OLA1: variants seen among roughly 807,000 people sequenced by gnomAD.
OLA1 encodes the protein Obg like ATPase 1, also known as obg-like ATPase 1.
In OLA1, 14 loss-of-function variants were observed where a neutral mutation model predicts 48.4. That is an observed-to-expected ratio of 0.29 (90% CI 0.19 to 0.45). The LOEUF (loss-of-function observed/expected upper bound fraction) is 0.45. Among genes scored for constraint, OLA1 ranks in the 20% least tolerant of loss-of-function variants. The pLI, the probability that OLA1 is intolerant of heterozygous loss-of-function variation, is 1.00. For missense variants in OLA1, 325 were observed against 467.1 expected (o/e 0.70, Z 2.80); for synonymous variants, 127 against 150.4 (o/e 0.84, Z 1.14).
Position 174,151,447 on chromosome 2 carries a change from T to C in OLA1, c.374-9447A>G, listed in dbSNP as rs184821678. 1.9e-3 allele frequency among the ~76,000 whole-genome samples: 292 copies of C among 152,328 alleles called. 1 individual carries two copies. Among genetic ancestry groups the C allele is most frequent in the Non-Finnish European group, 9.4e-4 (64 of 68,032 alleles). ...TTATTTTACATTGCTTTCCAGTTTG[T>C]CCTACGCGTTAACAGTAAATGTTTT... On this transcript the variant is annotated intron_variant, in intron 4 of 10. Transcript: ENST00000284719.
chr2:174,141,131 C>T (rs1686437155), intron 5 of OLA1, among the ~76,000 whole-genome samples: 2 of 152,122 alleles, frequency 1.3e-5, no homozygotes, highest in African/African-American at 4.8e-5. Context: ...AGGGTTTCGC[C>T]ATGTTGGCTA....
intron 7 of OLA1, among the ~76,000 whole-genome samples, chr2:174,120,044 A>G (rs1248440963): frequency 6.6e-6 from 1 of 152,132 alleles, no homozygotes; most frequent in Non-Finnish European, 1.5e-5. Context: ...ATAATAAATA[A>G]TAAAATATAA....
intron 4 of OLA1, among the ~76,000 whole-genome samples, chr2:174,144,978 AT>A (rs1686558488): frequency 7.5e-6 from 1 of 133,758 alleles, no homozygotes; most frequent in Admixed American, 7.7e-5. Context: ...ATATATATAT[AT>A]ATAATCACGG....
chr2:174,197,633 T>C (rs1054382301), intron 4 of OLA1, among the ~76,000 whole-genome samples: 28 of 152,188 alleles, frequency 1.8e-4, no homozygotes, highest in Non-Finnish European at 2.5e-4. Context: ...TCCTTATTTC[T>C]CTTAAGTGAT....
intron 4 of OLA1, among the ~76,000 whole-genome samples, chr2:174,216,266 G>A (rs1265372708): frequency 2.6e-5 from 4 of 152,066 alleles, no homozygotes; most frequent in East Asian, 1.9e-4. Context: ...TTGTACCACT[G>A]CACTCCAGCC....
chr2:174,090,667 G>A (rs1330679656), intron 7 of OLA1, among the ~76,000 whole-genome samples: 3 of 152,188 alleles, frequency 2.0e-5, no homozygotes, highest in Admixed American at 1.3e-4. Flanking sequence ...TTTTGTGACC[G>A]TAAGAAGGGA....
chr2:174,205,695 C>T (rs1688096779), intron 4 of OLA1, among the ~76,000 whole-genome samples: 1 of 152,172 alleles, frequency 6.6e-6, no homozygotes, highest in South Asian at 2.1e-4. Flanking sequence ...GGTAATGTTC[C>T]TTCCTGCCAC....
intron 7 of OLA1, among the ~76,000 whole-genome samples, chr2:174,122,590 A>C (rs578111347): frequency 5.5e-4 from 84 of 152,286 alleles, no homozygotes; most frequent in African/African-American, 2.0e-3. Flanking sequence ...TGAACATATA[A>C]TTTTCTGAAG....
chr2:174,131,341 C>A (rs1467660072), intron 5 of OLA1, among the ~76,000 whole-genome samples: 1 of 152,070 alleles, frequency 6.6e-6, no homozygotes, highest in Non-Finnish European at 1.5e-5. Flanking sequence ...GAATAGTGCA[C>A]AATTTATACA....
chr2:174,245,408 T>C (rs967899467), intron 2 of OLA1, among the ~76,000 whole-genome samples: 2 of 152,192 alleles, frequency 1.3e-5, no homozygotes, highest in East Asian at 1.9e-4. Context: ...CCATGCTCTG[T>C]TCATTGAGGA....
chr2:174,193,091 CTT>C (rs34103927), intron 4 of OLA1, among the ~76,000 whole-genome samples: 21 of 137,902 alleles, frequency 1.5e-4, no homozygotes, highest in East Asian at 4.2e-4. Flanking sequence ...TTCTTTCTTT[CTT>C]TTTTTTTTTT....
At chr2:174,201,597 C>T (rs888325609) in intron 4 of OLA1, among the ~76,000 whole-genome samples, 1 of 152,140 alleles carries the variant, frequency 6.6e-6, no homozygotes, top group African/African-American at 2.4e-5. Flanking sequence ...AAGCGATCTT[C>T]CTGCCACAGC....
intron 5 of OLA1, among the ~76,000 whole-genome samples, chr2:174,140,320 T>C (rs558742571): frequency 6.6e-6 from 1 of 152,156 alleles, no homozygotes; most frequent in East Asian, 1.9e-4. Context: ...CTACAGTAAC[T>C]AGTTGATATC....
At chr2:174,086,443 G>A (rs1684979775) in intron 7 of OLA1, among the ~76,000 whole-genome samples, 1 of 152,134 alleles carries the variant, frequency 6.6e-6, no homozygotes, top group South Asian at 2.1e-4. Flanking sequence ...CTCAGTGGAT[G>A]CCTAAACCCT....
chr2:174,152,849 T>A (rs181480443), intron 4 of OLA1, among the ~76,000 whole-genome samples: 2 of 152,202 alleles, frequency 1.3e-5, no homozygotes, highest in East Asian at 1.9e-4. Context: ...AAAATAGATA[T>A]AACAAAGGCC....
At chr2:174,096,276 A>G (rs1248253913) in intron 7 of OLA1, among the ~76,000 whole-genome samples, 1 of 152,174 alleles carries the variant, frequency 6.6e-6, no homozygotes, top group African/African-American at 2.4e-5. Flanking sequence ...TAGGTTGGAG[A>G]GGCAATGGGA....
At chr2:174,186,085 A>T (rs2105418084) in intron 4 of OLA1, among the ~76,000 whole-genome samples, 1 of 152,312 alleles carries the variant, frequency 6.6e-6, no homozygotes, top group Non-Finnish European at 1.5e-5. Context: ...GACCTTTAAC[A>T]CATTTCTAAA....
chr2:174,082,753 A>G (rs1206794569), intron 7 of OLA1, among the ~76,000 whole-genome samples: 1 of 152,190 alleles, frequency 6.6e-6, no homozygotes, highest in Non-Finnish European at 1.5e-5. Context: ...CAAATCAGTT[A>G]GGAAACTGAT....
At chr2:174,204,823 C>CT (rs1688073101) in intron 4 of OLA1, among the ~76,000 whole-genome samples, 1 of 152,118 alleles carries the variant, frequency 6.6e-6, no homozygotes, top group African/African-American at 2.4e-5. Flanking sequence ...CACTTAGCAG[C>CT]TATGTGATTT....
Sources: gnomAD v4.1 joint callset for allele counts (sites outside exome capture counted in the v4.1 genomes callset) on GRCh38, gnomAD v4.1.1 for gene constraint, MANE v1.5 for transcripts, NCBI Gene and HGNC (gene_info 2026-07-23, HGNC 2026-07-21) for gene names.